The following ATP6V1H variants were observed in gnomAD, a reference collection of about 807,000 sequenced individuals.
ATP6V1H encodes V-type proton ATPase subunit H.
A neutral mutation model predicts 71.7 loss-of-function variants in ATP6V1H; 39 were observed. The observed-to-expected ratio is 0.54, with a 90% CI of 0.42 to 0.71. The LOEUF is 0.71. Ranked by LOEUF, ATP6V1H falls within the 30% of genes least tolerant of loss-of-function variation. The pLI, the probability that ATP6V1H is intolerant of heterozygous loss-of-function variation, is 0.00. For synonymous variants in ATP6V1H, 192 were observed against 199.3 expected, an observed-to-expected ratio of 0.96 and a Z score of 0.31; for missense variants, 509 against 594.9, an observed-to-expected ratio of 0.86 and a Z score of 1.50.
At chr8:53,822,706 A>C (rs1810700540) in intron 4 of ATP6V1H, among the ~76,000 whole-genome samples, 1 of 152,158 alleles carries the variant, frequency 6.6e-6, no homozygotes, top group Non-Finnish European at 1.5e-5. Flanking sequence ...CTATTAAAAA[A>C]AGGGGTTTCA....
intron 6 of ATP6V1H, among the ~76,000 whole-genome samples, chr8:53,813,730 A>C (rs1314570685): frequency 1.3e-5 from 2 of 152,146 alleles, no homozygotes; most frequent in African/African-American, 2.4e-5. Flanking sequence ...ATGAAGACAA[A>C]ACAGAAAACT....
At chr8:53,742,015 A>G (rs1009293254) in intron 13 of ATP6V1H, among the ~76,000 whole-genome samples, 1 of 152,184 alleles carries the variant, frequency 6.6e-6, no homozygotes, top group Non-Finnish European at 1.5e-5. Flanking sequence ...CTTTCAAAAC[A>G]TAAACCACAT....
chr8:53,757,499 A>T (rs1808114042), intron 11 of ATP6V1H, among the ~76,000 whole-genome samples: 1 of 152,226 alleles, frequency 6.6e-6, no homozygotes, highest in African/African-American at 2.4e-5. Context: ...TTTAATGCTC[A>T]AGGGCCTAGA....
At chr8:53,827,567 T>G (rs1369201784) in intron 4 of ATP6V1H, among the ~76,000 whole-genome samples, 3 of 152,128 alleles carry the variant, frequency 2.0e-5, no homozygotes, top group Admixed American at 2.0e-4. Flanking sequence ...AAACAAATAC[T>G]GAACTCCAGG....
chr8:53,744,729 G>GA (rs888828024), intron 12 of ATP6V1H, among the ~76,000 whole-genome samples: 4 of 151,732 alleles, frequency 2.6e-5, no homozygotes, highest in African/African-American at 7.3e-5. Flanking sequence ...GAACTGAGGG[G>GA]AAAAAAAAGA....
chr8:53,754,699 G>A (rs1182708246), intron 12 of ATP6V1H, among the ~76,000 whole-genome samples: 1 of 152,212 alleles, frequency 6.6e-6, no homozygotes, highest in Admixed American at 6.5e-5. Flanking sequence ...CTTCCATGAA[G>A]TATAATACCA....
intron 9 of ATP6V1H, among the ~76,000 whole-genome samples, chr8:53,784,818 A>C (rs1425613873): frequency 3.3e-4 from 50 of 152,332 alleles, no homozygotes; most frequent in Non-Finnish European, 1.5e-5. Context: ...GCTGGATATG[A>C]AATTCTGGGT....
At position 53,715,823 on chromosome 8, in the gene ATP6V1H, T is replaced by C. The variant is rs6988082; in HGVS notation, c.*141A>G. On this transcript the variant is annotated 3_prime_UTR_variant, in exon 14 of 14. Transcript: ENST00000359530. Reference sequence around the variant, plus strand: ...AGGCAAACATGTTATTTTGTTGTTGTTGTTTGGAAATTAGCATTGGGAAAA... The same window carrying C: ...AGGCAAACATGTTATTTTGTTGTTGCTGTTTGGAAATTAGCATTGGGAAAA... The C allele has an allele frequency of 0.1, 60,327 of 600,830 alleles. 6,219 individuals are homozygous for C. Among genetic ancestry groups the C allele is most frequent in the East Asian group, 0.45 (14,925 of 32,832 alleles). 37.2% of individuals were successfully genotyped at this position (600,830 alleles called of 1,614,324 possible).
chr8:53,779,602 G>A (rs1285432252), intron 9 of ATP6V1H, among the ~76,000 whole-genome samples: 2 of 151,346 alleles, frequency 1.3e-5, no homozygotes, highest in East Asian at 3.9e-4. Flanking sequence ...CAGAACACCT[G>A]TTATTTCTTT....
Position 53,761,171 on chromosome 8 carries a change from CT to C in ATP6V1H, c.1176-4516del, listed in dbSNP as rs570168648. On this transcript the variant is annotated intron_variant, in intron 11 of 13. Transcript: ENST00000359530. Reference sequence around the variant, plus strand: ...CTAACACGGTGAAACCCTGTCTCTACTAAAAAATAGAAAAAATTAGCTGGGT... The same window carrying C: ...CTAACACGGTGAAACCCTGTCTCTACAAAAAATAGAAAAAATTAGCTGGGT... 8.1e-3 allele frequency among the ~76,000 whole-genome samples: 1,237 copies of C among 152,062 alleles called. 2 individuals carry two copies. The highest frequency in any genetic ancestry group is 0.015 in the South Asian group (74 of 4,816).
intron 2 of ATP6V1H, among the ~76,000 whole-genome samples, chr8:53,837,938 G>C (rs1811212549): frequency 6.6e-6 from 1 of 152,070 alleles, no homozygotes; most frequent in Admixed American, 6.6e-5. Flanking sequence ...GAGCAAAAGG[G>C]AAGCAGCAAG....
chr8:53,783,392 C>T lies in ATP6V1H; in HGVS notation c.871-11225G>A, dbSNP rs10101258. Among the ~76,000 whole-genome samples, 544 of 152,198 alleles carry T rather than the reference C, an allele frequency of 3.6e-3. 2 individuals are homozygous for T. Among genetic ancestry groups the T allele is most frequent in the Non-Finnish European group, 5.7e-3 (385 of 68,010 alleles). ...TTCTGTGGGGTCGGTGGTGATATCA[C>T]CTTTATCATTTTTTATTGTGTCTAT... On this transcript the variant is annotated intron_variant, in intron 9 of 13. Coordinates refer to ENST00000359530, the MANE Select transcript of ATP6V1H (RefSeq NM_015941.4).
intron 3 of ATP6V1H, among the ~76,000 whole-genome samples, chr8:53,831,390 G>T (rs975727207): frequency 6.6e-6 from 1 of 152,126 alleles, no homozygotes; most frequent in African/African-American, 2.4e-5. Context: ...CATAGAAAAC[G>T]TGCAGTAAAA....
intron 9 of ATP6V1H, among the ~76,000 whole-genome samples, chr8:53,780,280 G>T (rs918458949): frequency 2.0e-5 from 3 of 151,570 alleles, no homozygotes; most frequent in Non-Finnish European, 4.4e-5. Flanking sequence ...CCTCTAAATT[G>T]TCCAAGATAA....
chr8:53,816,656 C>A (rs529662643), intron 5 of ATP6V1H, among the ~76,000 whole-genome samples: 1 of 151,994 alleles, frequency 6.6e-6, no homozygotes, highest in African/African-American at 2.4e-5. Context: ...ATTAGATGGG[C>A]GTGGTGGCGC....
At chr8:53,792,813 T>C (rs1484839275) in intron 9 of ATP6V1H, among the ~76,000 whole-genome samples, 4 of 152,236 alleles carry the variant, frequency 2.6e-5, no homozygotes, top group Non-Finnish European at 4.4e-5. Context: ...TTAACAATTA[T>C]TATTCTCAGC....
intron 2 of ATP6V1H, 38 bp from the exon 3 acceptor site, chr8:53,833,124 T>C (rs1485515084): frequency 2.6e-6 from 4 of 1,525,712 alleles, no homozygotes; most frequent in East Asian, 2.3e-5. Flanking sequence ...TCAGTAAGAG[T>C]TGAATATGTA....
chr8:53,788,621 T>G (rs532517503), intron 9 of ATP6V1H, among the ~76,000 whole-genome samples: 29 of 152,300 alleles, frequency 1.9e-4, no homozygotes, highest in African/African-American at 6.7e-4. Flanking sequence ...TTACCTAATG[T>G]TTAAATGAGT....
At chr8:53,779,586 C>T (rs1222817594) in intron 9 of ATP6V1H, among the ~76,000 whole-genome samples, 3 of 151,322 alleles carry the variant, frequency 2.0e-5, no homozygotes, top group African/African-American at 7.3e-5. Flanking sequence ...ACAAACTATT[C>T]TGTTTCAGAA....
Sources: gnomAD v4.1 joint callset for allele counts (sites outside exome capture counted in the v4.1 genomes callset) on GRCh38, gnomAD v4.1.1 for gene constraint, MANE v1.5 for transcripts, NCBI Gene and HGNC (gene_info 2026-07-23, HGNC 2026-07-21) for gene names.